The following TMEM63C variants were observed in gnomAD, a reference collection of about 807,000 sequenced individuals.
TMEM63C encodes the protein transmembrane protein 63C.
In TMEM63C, 32 loss-of-function variants were observed where a neutral mutation model predicts 99.2. That is an observed-to-expected ratio of 0.32 (90% CI 0.24 to 0.43). TMEM63C has a LOEUF of 0.43. Ranked by LOEUF, TMEM63C falls within the 20% of genes least tolerant of loss-of-function variation. The probability of loss-of-function intolerance (pLI) is 1.00; values close to 1 mark genes in which losing one functional copy is unlikely to be tolerated. For synonymous variants in TMEM63C, 376 were observed against 397.9 expected, an observed-to-expected ratio of 0.94 and a Z score of 0.66; for missense variants, 826 against 1,053.0, an observed-to-expected ratio of 0.78 and a Z score of 2.98.
At chr14:77,228,522 T>C (rs967445028) in intron 6 of TMEM63C, among the ~76,000 whole-genome samples, 4 of 150,718 alleles carry the variant, frequency 2.7e-5, no homozygotes. Flanking sequence ...CCTTTTGTAG[T>C]ATTGTTTAAA....
At position 77,243,042 on chromosome 14, in the gene TMEM63C, A is replaced by C; in HGVS notation, c.1327A>C (p.Ile443Leu). Residue 443 changes from isoleucine (I) to leucine (L), a missense_variant, in exon 15 of 24, where the codon ATC (isoleucine) becomes CTC (leucine). By Grantham distance (5) the Ile-to-Leu change is conservative (BLOSUM62 2). Transcript: ENST00000298351. Reference protein sequence around the residue: ...TIDMYNVTRPIEKLQNPIVTQ... With the variant: ...TIDMYNVTRPLEKLQNPIVTQ... ...CGACATGTACAACGTCACCCGCCCC[A>C]TCGAGAAGCTGCAGGTGCCTCCTCT... The C allele has an allele frequency of 6.2e-7, 1 of 1,613,754 alleles. No individual in the cohort carries two copies. The highest frequency in any genetic ancestry group is 8.5e-7 in the Non-Finnish European group (1 of 1,179,864).
At chr14:77,223,156 A>T (rs1303183254) in intron 5 of TMEM63C, among the ~76,000 whole-genome samples, 1 of 152,042 alleles carries the variant, frequency 6.6e-6, no homozygotes, top group Non-Finnish European at 1.5e-5. Context: ...AGCAACATCT[A>T]CCTTGCAAGG....
Position 77,202,823 on chromosome 14 carries a change from G to GCACA in TMEM63C, c.-76-10622_-76-10621insACAC, listed in dbSNP as rs1491093735. Reference sequence around the variant, plus strand: ...CATAGCTACAGAGGCAGACAGGCAGGCGCACACACACACACACACACACAC... The same window carrying GCACA: ...CATAGCTACAGAGGCAGACAGGCAGGCACACGCACACACACACACACACACACAC... On this transcript the variant is annotated intron_variant, in intron 1 of 23. Coordinates refer to ENST00000298351, the MANE Select transcript of TMEM63C (RefSeq NM_020431.4). Among the ~76,000 whole-genome samples, 21 of 115,614 alleles carry GCACA rather than the reference G, an allele frequency of 1.8e-4. 1 individual carries two copies. In the South Asian group the frequency reaches 6.8e-3, roughly 37 times the overall value. The allele number at this position is 115,614 out of a possible 152,430, so 75.8% of individuals were successfully genotyped here.
chr14:77,227,866 A>G (rs1055042930), intron 6 of TMEM63C, among the ~76,000 whole-genome samples: 2 of 152,042 alleles, frequency 1.3e-5, no homozygotes, highest in Non-Finnish European at 2.9e-5. Context: ...CTTTTTCCAG[A>G]GGTGCATGGA....
rs781538979 is a variant in TMEM63C at position 77,243,039 on chromosome 14, C to A, written c.1324C>A (p.Pro442Thr). ...NTIDMYNVTR[P>T]IEKLQNPIVT... The stretch of plus-strand genomic sequence containing the variant: ...TATCGACATGTACAACGTCACCCGC[C>A]CCATCGAGAAGCTGCAGGTGCCTCC... The change falls in exon 15 of 24, where the codon CCC becomes ACC. Residue 442 changes from proline (P) to threonine (T), a missense_variant. Coordinates refer to ENST00000298351, the MANE Select transcript of TMEM63C (RefSeq NM_020431.4). 1 of 1,613,826 alleles carries A rather than the reference C, an allele frequency of 6.2e-7. No homozygotes were observed. Among genetic ancestry groups the A allele is most frequent in the Admixed American group, 1.7e-5 (1 of 60,020 alleles).
Position 77,218,872 on chromosome 14 carries a change from A to T in TMEM63C, c.59A>T (p.Asp20Val), listed in dbSNP as rs1367376929. The change falls in exon 3 of 24, where the codon GAT (aspartate) becomes GTT (valine). Residue 20 changes from aspartate to valine, a missense_variant. By Grantham distance (152) the Asp-to-Val change is radical. Transcript: ENST00000298351. ...TGGRLQNMTV[D>V]ECFQSRNTVL... ...GGAAGGTTACAGAACATGACAGTGG[A>T]TGAATGCTTCCAGTCTCGGAACACC... 1.9e-6 allele frequency: 3 copies of T among 1,613,706 alleles called. No individual in the cohort carries two copies. The highest frequency in any genetic ancestry group is 2.5e-6 in the Non-Finnish European group (3 of 1,179,780).
In TMEM63C at chr14:77,213,475, C is replaced by G. The variant is rs1470468671; in HGVS notation, c.-47C>G. ...CCCGTAGCTGGGTGGAGCCTCCGGG[C>G]CTGACGTGGACCTTCACTGGAGAAG... On this transcript the variant is annotated 5_prime_UTR_variant, in exon 2 of 24. Coordinates refer to ENST00000298351, the MANE Select transcript of TMEM63C (RefSeq NM_020431.4). 1 of 152,208 alleles carries G rather than the reference C, an allele frequency of 6.6e-6. No homozygotes were observed. The highest frequency in any genetic ancestry group is 1.5e-5 in the Non-Finnish European group (1 of 68,066). 9.4% of individuals were successfully genotyped at this position (152,208 alleles called of 1,614,324 possible).
chr14:77,246,174 C>A, intron 17 of TMEM63C, 148 bp downstream of exon 17: 1 of 699,404 alleles, frequency 1.4e-6, no homozygotes. Flanking sequence ...TAGCATGAGC[C>A]GGGCTTCCTG....
chr14:77,229,428 A>C (rs1888894289), intron 6 of TMEM63C, among the ~76,000 whole-genome samples: 1 of 151,522 alleles, frequency 6.6e-6, no homozygotes, highest in Non-Finnish European at 1.5e-5. Context: ...TTAAGTCCAA[A>C]TGCTTATTAT....
At chr14:77,193,409 A>T (rs1888143294) in intron 1 of TMEM63C, among the ~76,000 whole-genome samples, 1 of 152,168 alleles carries the variant, frequency 6.6e-6, no homozygotes, top group Non-Finnish European at 1.5e-5. Flanking sequence ...AAAGTCAAAG[A>T]TGTAGGCTGG....
intron 21 of TMEM63C, among the ~76,000 whole-genome samples, chr14:77,251,316 A>G (rs1889355262): frequency 6.6e-6 from 1 of 152,258 alleles, no homozygotes; most frequent in African/African-American, 2.4e-5. Context: ...GCTGCCGTAA[A>G]AAAGGGATCA....
At chr14:77,232,229 C>T (rs1445478447) in intron 7 of TMEM63C, among the ~76,000 whole-genome samples, 1 of 152,146 alleles carries the variant, frequency 6.6e-6, no homozygotes, top group African/African-American at 2.4e-5. Context: ...CCCACACCTG[C>T]TCCCCAGAAA....
At chr14:77,223,374 C>A (rs383203) in intron 5 of TMEM63C, among the ~76,000 whole-genome samples, 32,522 of 152,022 alleles carry the variant, frequency 0.21, 3,689 homozygotes, top group Non-Finnish European at 0.26. Flanking sequence ...GGATGGGGAG[C>A]CTTCAGCCAG....
rs962370770 is a variant in TMEM63C at position 77,250,935 on chromosome 14, G to A, written c.2039-854G>A. Among the ~76,000 whole-genome samples, 3 of 152,204 alleles carry A rather than the reference G, an allele frequency of 2.0e-5. No individual in the cohort carries two copies. The East Asian group carries it at 5.8e-4, about 29-fold the overall frequency. On this transcript the variant is annotated intron_variant, in intron 21 of 23. Coordinates refer to ENST00000298351, the MANE Select transcript of TMEM63C (RefSeq NM_020431.4). The stretch of plus-strand genomic sequence containing the variant: ...CCCATCATCTTACCCAGAACCTGAT[G>A]TCTTTTGTTCCCAGCCCCCTTTCCA...
Position 77,248,841 on chromosome 14 carries a change from C to T in TMEM63C, c.1839C>T (p.Tyr613=), listed in dbSNP as rs370802647. 15 of 1,613,958 alleles carry T rather than the reference C, an allele frequency of 9.3e-6. No homozygotes were observed. The African/African-American group carries it at 9.3e-5, about 10-fold the overall frequency. ...ACGTGTTCAGCGTGGTGATGGCGTA[C>T]AGCATCACTTGCCCCATCATTGTGC... The part of the protein sequence containing the change: ...MMNVFSVVMA[Y]SITCPIIVPF... Residue 613 remains tyrosine (Y), a synonymous_variant, in exon 20 of 24, where the codon TAC becomes TAT. Transcript: ENST00000298351.
chr14:77,205,709 G>A (rs868636040), intron 1 of TMEM63C, among the ~76,000 whole-genome samples: 7 of 152,204 alleles, frequency 4.6e-5, no homozygotes, highest in Non-Finnish European at 7.3e-5. Flanking sequence ...GAGATTCCTC[G>A]TGGGGAGCTG....
chr14:77,249,946 C>T lies in TMEM63C; in HGVS notation c.2038+488C>T, dbSNP rs778732141. On this transcript the variant is annotated intron_variant, in intron 21 of 23. Transcript: ENST00000298351. ...ACCTCCTGGTCTCAAGCAATTCTGC[C>T]ACTTCCCCCTCCCCAGTAGCTGGGA... 4.1e-4 allele frequency among the ~76,000 whole-genome samples: 63 copies of T among 152,306 alleles called. 1 individual carries two copies. The highest frequency in any genetic ancestry group is 3.0e-3 in the Admixed American group (46 of 15,294).
In TMEM63C at chr14:77,257,015, G is replaced by A. The variant is rs751267198; in HGVS notation, c.*289G>A. 1.8e-5 allele frequency: 7 copies of A among 378,410 alleles called. No homozygotes were observed. The highest frequency in any genetic ancestry group is 2.4e-5 in the Non-Finnish European group (5 of 207,880). 23.4% of individuals were successfully genotyped at this position (378,410 alleles called of 1,614,324 possible). A position where few individuals can be genotyped will look rare whatever the true frequency, so the allele number is the denominator to read the frequency against. On this transcript the variant is annotated 3_prime_UTR_variant, in exon 24 of 24. Coordinates refer to ENST00000298351, the MANE Select transcript of TMEM63C (RefSeq NM_020431.4). ...TGGAGCCCCGGCACAGAGACTGAAC[G>A]CTGGGGTCCCTTCCTGGGACCAAGA...
At chr14:77,200,967 A>T (rs1257735403) in intron 1 of TMEM63C, 1 of 141,718 alleles carries the variant, frequency 7.1e-6, no homozygotes, top group East Asian at 2.1e-4. Context: ...AAAGTGATCT[A>T]GTGCTGTTTG....
Sources: gnomAD v4.1 joint callset for allele counts (sites outside exome capture counted in the v4.1 genomes callset) on GRCh38, gnomAD v4.1.1 for gene constraint, MANE v1.5 for transcripts, NCBI Gene and HGNC (gene_info 2026-07-23, HGNC 2026-07-21) for gene names.